PDS5A: variants seen among roughly 807,000 people sequenced by gnomAD.
The protein encoded by PDS5A is PDS5 cohesin associated factor A, also known as sister chromatid cohesion protein PDS5 homolog A.
In PDS5A, 42 loss-of-function variants were observed where a neutral mutation model predicts 167.1. The ratio of observed to expected loss-of-function variants is 0.25; its 90% CI spans 0.20 to 0.33. The LOEUF is 0.33. Ranked by LOEUF, PDS5A falls within the 10% of genes least tolerant of loss-of-function variation. The probability of loss-of-function intolerance (pLI) is 1.00; values close to 1 mark genes in which losing one functional copy is unlikely to be tolerated. For synonymous variants in PDS5A, 553 were observed against 554.6 expected (o/e 1.00, Z 0.04); for missense variants, 1,033 against 1,605.9 (o/e 0.64, Z 6.10).
chr4:39,926,616 G>T (rs898951407), intron 4 of PDS5A, among the ~76,000 whole-genome samples, 159 bp downstream of exon 4: 2 of 151,618 alleles, frequency 1.3e-5, no homozygotes, highest in Non-Finnish European at 2.9e-5. Context: ...TTCAGGATAG[G>T]AAGAAAAATA....
At chr4:39,890,479 GCTCTAGA>G in intron 16 of PDS5A, 115 bp from the exon 17 acceptor site, 1 of 605,040 alleles carries the variant, frequency 1.7e-6, no homozygotes, top group Non-Finnish European at 2.9e-6. Context: ...AGAATTGTCT[GCTCTAGA>G]CCCTGACTAA....
chr4:39,885,923 C>A (rs1721427833), intron 17 of PDS5A, among the ~76,000 whole-genome samples: 1 of 152,114 alleles, frequency 6.6e-6, no homozygotes, highest in African/African-American at 2.4e-5. Flanking sequence ...CCACTGTACT[C>A]CAGCCTGGGT....
chr4:39,860,773 C>T (rs1464270281), intron 26 of PDS5A, among the ~76,000 whole-genome samples: 1 of 151,918 alleles, frequency 6.6e-6, no homozygotes, highest in Non-Finnish European at 1.5e-5. Flanking sequence ...CATATGTGGG[C>T]ACTGAAAGAG....
intron 31 of PDS5A, among the ~76,000 whole-genome samples, chr4:39,838,736 C>T (rs902566435): frequency 6.6e-5 from 10 of 150,984 alleles, no homozygotes; most frequent in African/African-American, 2.4e-4. Context: ...ATAGTAATTG[C>T]AAGCCCGGCA....
intron 11 of PDS5A, among the ~76,000 whole-genome samples, chr4:39,904,820 T>C (rs188059130): frequency 1.3e-5 from 2 of 152,374 alleles, no homozygotes; most frequent in East Asian, 3.9e-4. Flanking sequence ...ACTGATTTTT[T>C]ATTTCCCTTG....
At chr4:39,833,944 C>G (rs141475180) in intron 32 of PDS5A, among the ~76,000 whole-genome samples, 6 of 152,266 alleles carry the variant, frequency 3.9e-5, no homozygotes, top group African/African-American at 1.4e-4. Context: ...AAGAGCAGAG[C>G]TTTGGATAGA....
chr4:39,845,694 C>T, intron 29 of PDS5A, 124 bp downstream of exon 29: 1 of 1,079,410 alleles, frequency 9.3e-7, no homozygotes, highest in Non-Finnish European at 1.2e-6. Context: ...TGCTTTAAAT[C>T]CATAATGTGA....
At chr4:39,832,596 G>GT (rs1351067457) in intron 32 of PDS5A, among the ~76,000 whole-genome samples, 1 of 152,100 alleles carries the variant, frequency 6.6e-6, no homozygotes, top group Non-Finnish European at 1.5e-5. Context: ...TATTTGAGAA[G>GT]TTTGAGGGCT....
At chr4:39,835,347 T>C (rs1716291403) in intron 32 of PDS5A, among the ~76,000 whole-genome samples, 2 of 152,204 alleles carry the variant, frequency 1.3e-5, no homozygotes, top group South Asian at 4.1e-4. Flanking sequence ...TACTAGCATA[T>C]TTAAGATCTG....
At chr4:39,955,825 AAC>A (rs1198122255) in intron 2 of PDS5A, among the ~76,000 whole-genome samples, 2 of 151,888 alleles carry the variant, frequency 1.3e-5, no homozygotes, top group Non-Finnish European at 2.9e-5. Context: ...TAAAAATTTG[AAC>A]AGTTAAGGCC....
intron 21 of PDS5A, 63 bp downstream of exon 21, chr4:39,872,923 T>A (rs1720173266): frequency 2.4e-6 from 2 of 823,514 alleles, no homozygotes. Context: ...GAAGTGTTTC[T>A]GTGATGAAGA....
chr4:39,898,886 C>A, intron 14 of PDS5A, 61 bp from the exon 15 acceptor site: 1 of 1,069,976 alleles, frequency 9.3e-7, no homozygotes, highest in Non-Finnish European at 1.4e-6. Context: ...ATTTCCCTAA[C>A]AAAAATCAAT....
chr4:39,830,819 C>T (rs563290891), intron 32 of PDS5A, among the ~76,000 whole-genome samples: 6 of 152,226 alleles, frequency 3.9e-5, no homozygotes, highest in African/African-American at 1.4e-4. Context: ...ATCTATCTCT[C>T]GGTTTTCCTC....
At chr4:39,948,465 T>C (rs1192262322) in intron 2 of PDS5A, among the ~76,000 whole-genome samples, 6 of 150,082 alleles carry the variant, frequency 4.0e-5, no homozygotes, top group Non-Finnish European at 1.5e-5. Flanking sequence ...GCTGGGTTTA[T>C]AGGCGCCTAC....
chr4:39,885,049 G>A (rs1321178624), intron 17 of PDS5A, among the ~76,000 whole-genome samples: 1 of 152,080 alleles, frequency 6.6e-6, no homozygotes, highest in Admixed American at 6.6e-5. Flanking sequence ...GATTGCTTGA[G>A]CACAGGAGCT....
chr4:39,963,826 A>C (rs1560523148), intron 2 of PDS5A, among the ~76,000 whole-genome samples: 1 of 151,896 alleles, frequency 6.6e-6, no homozygotes, highest in Non-Finnish European at 1.5e-5. Context: ...CCAGAGTGGG[A>C]CTCAGTCTCA....
chr4:39,902,107 C>T (rs527940763), intron 13 of PDS5A, among the ~76,000 whole-genome samples: 16 of 152,248 alleles, frequency 1.1e-4, no homozygotes, highest in Middle Eastern at 3.4e-3. Context: ...GGTATTTTGA[C>T]GTGGTCATTT....
At chr4:39,929,518 A>AATATATATATATATATAT (rs1725770084) in intron 2 of PDS5A, among the ~76,000 whole-genome samples, 2 of 22,766 alleles carry the variant, frequency 8.8e-5, no homozygotes, top group African/African-American at 4.9e-4. Context: ...TACTTAATAA[A>AATATATATATATATATAT]CTATATATAT....
At chr4:39,877,294 C>T (rs989341258) in intron 18 of PDS5A, 141 bp from the exon 19 acceptor site, 3 of 459,726 alleles carry the variant, frequency 6.5e-6, no homozygotes, top group East Asian at 3.4e-5. Flanking sequence ...ATCTCCTAGC[C>T]GTCCTTGCAG....
Sources: gnomAD v4.1 joint callset for allele counts (sites outside exome capture counted in the v4.1 genomes callset) on GRCh38, gnomAD v4.1.1 for gene constraint, MANE v1.5 for transcripts, NCBI Gene and HGNC (gene_info 2026-07-23, HGNC 2026-07-21) for gene names.